Variants in PEX5 observed in about 807,000 individuals in gnomAD.
The protein encoded by PEX5 is peroxisomal biogenesis factor 5.
PEX5 carries 52 observed loss-of-function variants against 82.9 expected under a neutral mutation model. The observed-to-expected ratio is 0.63, with a 90% CI of 0.50 to 0.79. The LOEUF is 0.79. Ranked by LOEUF, PEX5 falls within the 30% of genes least tolerant of loss-of-function variation. PEX5 has a pLI of 0.00. For missense variants in PEX5, 719 were observed against 815.2 expected (o/e 0.88, Z 1.44); for synonymous variants, 300 against 318.8 (o/e 0.94, Z 0.63).
chr12:7,199,372 C>T (rs1943329621), intron 6 of PEX5, among the ~76,000 whole-genome samples: 1 of 150,354 alleles, frequency 6.7e-6, no homozygotes, highest in South Asian at 2.2e-4. Context: ...TGTTTGTGTC[C>T]CTGGGTACTT....
At chr12:7,193,659 C>T (rs1029627906) in intron 5 of PEX5, among the ~76,000 whole-genome samples, 1 of 152,156 alleles carries the variant, frequency 6.6e-6, no homozygotes, top group Non-Finnish European at 1.5e-5. Context: ...CACAGAGAGG[C>T]TTCTGTTGTA....
chr12:7,198,505 A>G (rs965341108), intron 5 of PEX5, among the ~76,000 whole-genome samples: 2 of 152,180 alleles, frequency 1.3e-5, no homozygotes, highest in Non-Finnish European at 2.9e-5. Context: ...CTAGCATTCC[A>G]CTTCTCTGAT....
Position 7,197,111 on chromosome 12 carries a change from T to TATAATGTAATTATATATGTCAC in PEX5, c.449-1890_449-1889insTATATATGTCACATAATGTAAT, listed in dbSNP as rs1942587576. 4.2e-5 allele frequency among the ~76,000 whole-genome samples: 2 copies of TATAATGTAATTATATATGTCAC among 48,068 alleles called. 1 individual carries two copies. 31.5% of individuals were successfully genotyped at this position (48,068 alleles called of 152,430 possible). ...ACATATAATGTAATTATATATGTCATATAATGTAATAATATATGTCATATA... is the reference window on the plus strand; with the variant it reads ...ACATATAATGTAATTATATATGTCATATAATGTAATTATATATGTCACATAATGTAATAATATATGTCATATA... On this transcript the variant is annotated intron_variant, in intron 5 of 15. Transcript: ENST00000675855.
intron 5 of PEX5, 34 bp from the exon 6 acceptor site, chr12:7,198,977 C>T: frequency 1.7e-6 from 2 of 1,185,198 alleles, no homozygotes; most frequent in African/African-American, 1.5e-5. Context: ...CTGAATGAAC[C>T]TGTGTGATTT....
downstream of PEX5, among the ~76,000 whole-genome samples, chr12:7,214,270 G>T (rs554039049): frequency 2.6e-5 from 4 of 151,636 alleles, no homozygotes; most frequent in Non-Finnish European, 5.9e-5. Flanking sequence ...AGACGCACAC[G>T]TATGTTTATT....
chr12:7,190,028 C>T (rs1940678059), intron 1 of PEX5: 6 of 1,503,628 alleles, frequency 4.0e-6, no homozygotes, highest in South Asian at 3.8e-5. Context: ...GCAGTGTCGC[C>T]GTCCAGCCTG....
At chr12:7,197,726 C>T (rs183185440) in intron 5 of PEX5, among the ~76,000 whole-genome samples, 7 of 151,814 alleles carry the variant, frequency 4.6e-5, no homozygotes, top group Non-Finnish European at 7.4e-5. Flanking sequence ...ACTTTAATAC[C>T]GAAGGGGTAG....
At chr12:7,201,173 ACATATG>A (rs1295842151) in intron 6 of PEX5, among the ~76,000 whole-genome samples, 61 of 49,898 alleles carry the variant, frequency 1.2e-3, no homozygotes, top group Admixed American at 8.6e-3. Flanking sequence ...ACACACATAC[ACATATG>A]TACACACGCA....
At chr12:7,204,260 A>G (rs1053093872) in intron 10 of PEX5, among the ~76,000 whole-genome samples, 2 of 152,328 alleles carry the variant, frequency 1.3e-5, no homozygotes, top group South Asian at 2.1e-4. Context: ...GAAAAAAGGC[A>G]AAACAGGAAC....
intron 7 of PEX5, 193 bp from the exon 8 acceptor site, chr12:7,202,048 A>G (rs770226006): frequency 1.7e-4 from 142 of 855,792 alleles, no homozygotes; most frequent in Admixed American, 2.9e-4. Context: ...CTTTTTTCTG[A>G]TGCCTTTGCA....
chr12:7,197,607 G>A (rs1289313614), intron 5 of PEX5, among the ~76,000 whole-genome samples: 1 of 65,168 alleles, frequency 1.5e-5, no homozygotes, highest in East Asian at 2.7e-4. Flanking sequence ...TATTCTGAGA[G>A]TCTTGATCTT....
chr12:7,190,089 G>T (rs1040319402), intron 1 of PEX5: 18 of 1,492,758 alleles, frequency 1.2e-5, no homozygotes, highest in Non-Finnish European at 1.5e-5. Flanking sequence ...CTTTGTGGAG[G>T]CAGCTGCTGG....
chr12:7,192,641 G>C (rs897544453), intron 5 of PEX5, among the ~76,000 whole-genome samples: 1 of 152,120 alleles, frequency 6.6e-6, no homozygotes, highest in Non-Finnish European at 1.5e-5. Flanking sequence ...TACACATAGA[G>C]AAAGTTACCA....
intron 10 of PEX5, among the ~76,000 whole-genome samples, chr12:7,206,978 C>T (rs1237548053): frequency 1.3e-5 from 2 of 152,112 alleles, no homozygotes; most frequent in Non-Finnish European, 2.9e-5. Context: ...CAGATAGTAT[C>T]GTAACTCTTC....
chr12:7,214,165 T>A (rs1012245172), downstream of PEX5, among the ~76,000 whole-genome samples: 1 of 152,266 alleles, frequency 6.6e-6, no homozygotes, highest in East Asian at 1.9e-4. Context: ...GTCAGTGTGG[T>A]GATTCCTCAG....
At chr12:7,215,406 G>A (rs1945749366), downstream of PEX5, among the ~76,000 whole-genome samples, 1 of 152,096 alleles carries the variant, frequency 6.6e-6, no homozygotes, top group South Asian at 2.1e-4. Flanking sequence ...ATACCCAAAG[G>A]AGAATAAATC....
At chr12:7,189,804 C>A in intron 1 of PEX5, 54 bp downstream of exon 1, 2 of 783,162 alleles carry the variant, frequency 2.6e-6, no homozygotes, top group Admixed American at 4.1e-5. Context: ...CCCTCCCCAC[C>A]CTTGCGGTGG....
At chr12:7,191,086 G>T in intron 3 of PEX5, 140 bp from the exon 4 acceptor site, 1 of 1,199,458 alleles carries the variant, frequency 8.3e-7, no homozygotes, top group Non-Finnish European at 1.2e-6. Flanking sequence ...TCTATGGAAA[G>T]ACAGTTTCTC....
rs1190733882 is a variant in PEX5 at position 7,211,286 on chromosome 12, T to A, written c.*1063T>A. On this transcript the variant is annotated 3_prime_UTR_variant, in exon 16 of 16. Transcript: ENST00000675855. ...TTGTCCCCTGCATGGGGAGATACAC[T>A]AACCCCCAGAAATGACTGCTAAGCC... The A allele has an allele frequency of 2.0e-5, 3 of 152,460 alleles. No homozygotes were observed. The highest frequency in any genetic ancestry group is 7.2e-5 in the African/African-American group (3 of 41,416). 9.4% of individuals were successfully genotyped at this position (152,460 alleles called of 1,614,324 possible).
Sources: gnomAD v4.1 joint callset for allele counts (sites outside exome capture counted in the v4.1 genomes callset) on GRCh38, gnomAD v4.1.1 for gene constraint, MANE v1.5 for transcripts, NCBI Gene and HGNC (gene_info 2026-07-23, HGNC 2026-07-21) for gene names.